DLG2: variants seen among roughly 807,000 people sequenced by gnomAD.
The protein encoded by DLG2 is discs large MAGUK scaffold protein 2.
In DLG2, 45 loss-of-function variants were observed where a neutral mutation model predicts 132.5. The observed-to-expected ratio is 0.34, with a 90% CI of 0.27 to 0.44. DLG2 has a LOEUF of 0.44. DLG2 is among the 20% of genes least tolerant of loss of function. The pLI is 1.00. For synonymous variants in DLG2, 424 were observed against 419.6 expected, an observed-to-expected ratio of 1.01 and a Z score of -0.13; for missense variants, 1,045 against 1,196.9, an observed-to-expected ratio of 0.87 and a Z score of 1.87.
chr11:84,442,571 C>T (rs1466494540), intron 7 of DLG2, among the ~76,000 whole-genome samples: 1 of 151,954 alleles, frequency 6.6e-6, no homozygotes, highest in Non-Finnish European at 1.5e-5. Context: ...AGGAAAAATA[C>T]CTAATGTAGA....
At chr11:84,703,276 A>G (rs1469593853) in intron 6 of DLG2, among the ~76,000 whole-genome samples, 1 of 151,562 alleles carries the variant, frequency 6.6e-6, no homozygotes, top group Non-Finnish European at 1.5e-5. Flanking sequence ...CATACAAATG[A>G]ATCATGGTTT....
At chr11:85,266,767 T>G (rs1179011410) in intron 4 of DLG2, among the ~76,000 whole-genome samples, 1 of 152,188 alleles carries the variant, frequency 6.6e-6, no homozygotes, top group East Asian at 1.9e-4. Context: ...ATTAAATATT[T>G]TGTACGCCCA....
At chr11:85,351,228 A>T (rs1366543916) in intron 3 of DLG2, among the ~76,000 whole-genome samples, 2 of 152,238 alleles carry the variant, frequency 1.3e-5, no homozygotes, top group African/African-American at 2.4e-5. Flanking sequence ...AATGGTGTAT[A>T]GGAATGCTTG....
chr11:84,065,494 T>C (rs1045240963), intron 10 of DLG2, among the ~76,000 whole-genome samples: 5 of 152,040 alleles, frequency 3.3e-5, no homozygotes, highest in African/African-American at 7.2e-5. Context: ...ATTAGAGAAA[T>C]GCAAATCAAA....
intron 4 of DLG2, among the ~76,000 whole-genome samples, chr11:85,172,445 A>G (rs138714643): frequency 1.3e-5 from 2 of 152,330 alleles, no homozygotes; most frequent in East Asian, 3.9e-4. Context: ...AAGACCCCAC[A>G]AAAACCCCAT....
At chr11:85,485,604 G>A (rs1597810524) in intron 3 of DLG2, among the ~76,000 whole-genome samples, 1 of 152,138 alleles carries the variant, frequency 6.6e-6, no homozygotes, top group Non-Finnish European at 1.5e-5. Flanking sequence ...CTTGGCTGGG[G>A]ATCAGCTGGG....
Position 83,541,777 on chromosome 11 carries a change from G to T in DLG2, c.2022C>A (p.His674Gln). The T allele has an allele frequency of 6.2e-7, 1 of 1,613,356 alleles. No homozygotes were observed. Among genetic ancestry groups the T allele is most frequent in the Non-Finnish European group, 8.5e-7 (1 of 1,179,578 alleles). ...ACTCATCATCAGAGGCATTGATAAC[G>T]TGGAGAATATCTCCATATTTAAAAC... ...GLSFKYGDIL[H>Q]VINASDDEWW... is the part of the protein sequence containing the mutation. The change falls in exon 20 of 28, where the codon CAC (histidine) becomes CAA (glutamine). Residue 674 changes from histidine (H) to glutamine (Q), a missense_variant. His to Gln is a conservative substitution (Grantham distance 24). This residue lies in a region of DLG2 where 398 missense variants were observed against 543.6 expected (regional missense o/e 0.73). Transcript: ENST00000376104.
At chr11:84,913,656 C>CAT (rs1208282872) in intron 6 of DLG2, among the ~76,000 whole-genome samples, 1 of 151,932 alleles carries the variant, frequency 6.6e-6, no homozygotes, top group Admixed American at 6.6e-5. Context: ...CATTCATATA[C>CAT]ATATATATAG....
intron 6 of DLG2, among the ~76,000 whole-genome samples, chr11:84,934,116 C>A (rs1165344044): frequency 6.6e-6 from 1 of 151,998 alleles, no homozygotes. Context: ...CTCTTCTGCA[C>A]CTATTTAGAT....
At chr11:85,559,814 T>TGACTGATA (rs1354656596) in intron 3 of DLG2, among the ~76,000 whole-genome samples, 1 of 115,450 alleles carries the variant, frequency 8.7e-6, no homozygotes, top group East Asian at 2.4e-4. Context: ...ATTAGTTAGA[T>TGACTGATA]GATTGATAGA....
chr11:84,258,190 A>C (rs1278394285), intron 7 of DLG2, among the ~76,000 whole-genome samples: 1 of 152,186 alleles, frequency 6.6e-6, no homozygotes, highest in Non-Finnish European at 1.5e-5. Flanking sequence ...AGGCTGACTG[A>C]TTCAGGCATT....
At chr11:84,721,128 C>G (rs564686190) in intron 6 of DLG2, among the ~76,000 whole-genome samples, 1 of 152,056 alleles carries the variant, frequency 6.6e-6, no homozygotes, top group Non-Finnish European at 1.5e-5. Context: ...AGAAGACCTC[C>G]GAGGCCGACT....
intron 6 of DLG2, among the ~76,000 whole-genome samples, chr11:84,599,966 G>T (rs898601320): frequency 3.4e-4 from 52 of 150,976 alleles, no homozygotes; most frequent in African/African-American, 1.3e-3. Context: ...CTGCGAGGCT[G>T]AGGCTGCAGT....
At chr11:85,291,137 A>G (rs2078864543) in intron 3 of DLG2, among the ~76,000 whole-genome samples, 1 of 152,142 alleles carries the variant, frequency 6.6e-6, no homozygotes, top group African/African-American at 2.4e-5. Flanking sequence ...TCTTGAAATC[A>G]CCAAAATTCA....
intron 19 of DLG2, among the ~76,000 whole-genome samples, chr11:83,620,892 A>AAC (rs1217691833): frequency 6.6e-6 from 1 of 150,916 alleles, no homozygotes; most frequent in African/African-American, 2.4e-5. Context: ...AAAAAAAAAA[A>AAC]AATGCATTCC....
At chr11:84,918,583 AT>A (rs1461212020) in intron 6 of DLG2, among the ~76,000 whole-genome samples, 3 of 152,186 alleles carry the variant, frequency 2.0e-5, no homozygotes, top group Non-Finnish European at 4.4e-5. Context: ...GAAAATTAGC[AT>A]GATAAATGTC....
chr11:83,909,293 A>C lies in DLG2; in HGVS notation c.1496+21035T>G, dbSNP rs1225878183. On this transcript the variant is annotated intron_variant, in intron 15 of 27. Coordinates refer to ENST00000376104, the MANE Select transcript of DLG2 (RefSeq NM_001142699.3). ...CCCATCTGTACATTATACACTGAGC[A>C]CTGAAACAAATAATGTCTGAGACTC... 3.3e-5 allele frequency among the ~76,000 whole-genome samples: 5 copies of C among 152,182 alleles called. No individual in the cohort carries two copies. In the South Asian group the frequency reaches 1.0e-3, roughly 32 times the overall value.
chr11:85,121,075 G>A (rs772090393), intron 5 of DLG2, among the ~76,000 whole-genome samples: 1 of 151,870 alleles, frequency 6.6e-6, no homozygotes, highest in Non-Finnish European at 1.5e-5. Flanking sequence ...AGTTCCTTTT[G>A]TAGGTTACTT....
intron 5 of DLG2, among the ~76,000 whole-genome samples, chr11:85,152,557 CA>C (rs1455667062): frequency 1.3e-5 from 2 of 152,128 alleles, no homozygotes; most frequent in Non-Finnish European, 2.9e-5. Context: ...CTTGGCCTCC[CA>C]AAGTGCATGG....
Sources: gnomAD v4.1 joint callset for allele counts (sites outside exome capture counted in the v4.1 genomes callset) on GRCh38, gnomAD v4.1.1 for gene constraint, gnomAD v4.1.1 regional missense constraint, MANE v1.5 for transcripts, NCBI Gene and HGNC (gene_info 2026-07-23, HGNC 2026-07-21) for gene names.